Variants in RENBP observed in about 807,000 individuals in gnomAD.
RENBP encodes the protein N-acylglucosamine 2-epimerase.
Under a neutral mutation model 37.8 loss-of-function variants are expected in RENBP, and 16 were observed. The observed-to-expected ratio is 0.42, with a 90% CI of 0.29 to 0.64. The LOEUF is 0.64. RENBP is among the 30% of genes least tolerant of loss of function. RENBP has a pLI of 0.19. For missense variants in RENBP, 347 were observed against 379.5 expected (o/e 0.91, Z 0.71); for synonymous variants, 170 against 154.8 (o/e 1.10, Z -0.73).
intron 6 of RENBP, 73 bp from the exon 7 acceptor site, chrX:153,942,104 C>G: frequency 1.2e-6 from 1 of 865,353 alleles, no homozygotes; most frequent in Non-Finnish European, 1.7e-6. Flanking sequence ...TAGAAAGACC[C>G]AGCTCCGGAA....
intron 8 of RENBP, among the ~76,000 whole-genome samples, chrX:153,940,852 G>A (rs7060641): frequency 0.067 from 7,497 of 111,441 alleles, 293 homozygotes; most frequent in Non-Finnish European, 0.11. Flanking sequence ...ATAAAAATGG[G>A]CAACCAGCCG....
chrX:153,944,212 C>T, intron 2 of RENBP, 57 bp from the exon 3 acceptor site: 1 of 1,181,360 alleles, frequency 8.5e-7, no homozygotes, highest in Non-Finnish European at 1.1e-6. Flanking sequence ...CCCTCCTGCC[C>T]CTCTGGGGCC....
At chrX:153,943,195 C>T (rs1356449209) in intron 5 of RENBP, 116 bp from the exon 6 acceptor site, 2 of 563,757 alleles carry the variant, frequency 3.5e-6, no homozygotes, top group Non-Finnish European at 5.5e-6. Context: ...GAGACACCTT[C>T]ATCCAGGGCC....
intron 9 of RENBP, among the ~76,000 whole-genome samples, chrX:153,936,916 G>T (rs971415672): frequency 4.5e-5 from 5 of 112,290 alleles, no homozygotes; most frequent in Non-Finnish European, 5.6e-5. Flanking sequence ...CTAGTCCTGG[G>T]CTGGGCACAG....
Position 153,943,717 on chromosome X carries a change from A to G in RENBP, c.291T>C (p.Gly97=), listed in dbSNP as rs781979105. 3 of 1,207,750 alleles carry G rather than the reference A, an allele frequency of 2.5e-6. No homozygotes were observed. Among genetic ancestry groups the G allele is most frequent in the East Asian group, 3.0e-5 (1 of 33,797 alleles). The part of the protein sequence containing the change: ...HAQLLDAAKA[G]GEFLLRYARV... ...GGGCATACCGCAGCAAGAACTCACC[A>G]CCTGGAGGTTGGGGGGTTGGCATGC... The change falls in exon 5 of 11, where the codon GGT becomes GGC. Residue 97 remains glycine, a splice_region_variant and synonymous_variant. Transcript: ENST00000393700.
chrX:153,943,026 C>T lies in RENBP; in HGVS notation c.516G>A (p.Ala172=), dbSNP rs1557109883. 7 of 1,203,488 alleles carry T rather than the reference C, an allele frequency of 5.8e-6. No homozygotes were observed. The South Asian group carries it at 1.1e-4, about 18-fold the overall frequency. Residue 172 remains alanine (A), a synonymous_variant, in exon 6 of 11, where the codon GCG becomes GCA. Transcript: ENST00000393700. ...DQIVHWVQED[A]SGLGRPQLQG... ...GGAGCTGGGGCCGGCCCAGTCCCGA[C>T]GCGTCCTCCTGCACCCAGTGGACGA...
At chrX:153,935,782 G>C (rs1195974409) in intron 9 of RENBP, among the ~76,000 whole-genome samples, 1 of 112,959 alleles carries the variant, frequency 8.9e-6, no homozygotes, top group Admixed American at 9.3e-5. Context: ...GACTGGGCAA[G>C]GGGATGAGAC....
In RENBP at chrX:153,935,498, G is replaced by C. The variant is rs1303313515; in HGVS notation, c.1156C>G (p.Pro386Ala). 1.7e-6 allele frequency: 2 copies of C among 1,205,945 alleles called. No individual in the cohort carries two copies. Among genetic ancestry groups the C allele is most frequent in the African/African-American group, 3.5e-5 (2 of 57,372 alleles). ...GKVALSIKGGPFKGCFHVPRC... is the reference protein window; with the variant it reads ...GKVALSIKGGAFKGCFHVPRC... The stretch of plus-strand genomic sequence containing the variant: ...CCTCTCCCCCACTCACCTTTGAAAG[G>C]ACCTCCCTTGATGGAGAGGGCCACC... The change falls in exon 10 of 11, where the codon CCT (proline) becomes GCT (alanine). Residue 386 changes from proline to alanine, a missense_variant. Around this residue, in one of 3 missense-constraint regions of RENBP, gnomAD observed 91 missense variants for 67.7 expected, o/e 1.34. Coordinates refer to ENST00000393700, the MANE Select transcript of RENBP (RefSeq NM_002910.6).
chrX:153,940,473 G>T (rs1380655550), intron 8 of RENBP, among the ~76,000 whole-genome samples: 1 of 111,805 alleles, frequency 8.9e-6, no homozygotes, highest in Non-Finnish European at 1.9e-5. Context: ...CTCCCTGGTG[G>T]CCTCCATATG....
chrX:153,935,343 G>A lies in RENBP; in HGVS notation c.1227C>T (p.Ser409=). 1 of 1,079,538 alleles carries A rather than the reference G, an allele frequency of 9.3e-7. No homozygotes were observed. The highest frequency in any genetic ancestry group is 2.4e-5 in the South Asian group (1 of 41,748). The allele number at this position is 1,079,538 out of a possible 1,213,427, so 89.0% of individuals were successfully genotyped here. ...MCEEMLGALL[S]RPAPAPSPAP... Reference sequence around the variant, plus strand: ...CGGGGGAGGGGGCGGGGGCGGGGCGGCTCAGCAGGGCGCCCAGCATCTCCT... The same window carrying A: ...CGGGGGAGGGGGCGGGGGCGGGGCGACTCAGCAGGGCGCCCAGCATCTCCT... The change falls in exon 11 of 11, where the codon AGC becomes AGT. Residue 409 remains serine, a synonymous_variant. Transcript: ENST00000393700.
At chrX:153,944,454 A>T in intron 1 of RENBP, 36 bp from the exon 2 acceptor site, 1 of 1,178,432 alleles carries the variant, frequency 8.5e-7, no homozygotes. Flanking sequence ...CAGCCCCCAC[A>T]TGGGACCTAG....
rs1462371750 is a variant in RENBP at position 153,941,627 on chromosome X, G to A, written c.796C>T (p.Leu266=). 34 of 1,178,659 alleles carry A rather than the reference G, an allele frequency of 2.9e-5. No individual in the cohort carries two copies. The highest frequency in any genetic ancestry group is 3.7e-5 in the Non-Finnish European group (33 of 880,206). Residue 266 remains leucine (L), a synonymous_variant, in exon 8 of 11, where the codon CTG becomes TTG. Transcript: ENST00000393700. ...PGHTLEAGWF[L]LRHCIRKGDP... is the part of the protein sequence containing the mutation. ...CCTTTCCGAATGCAATGACGGAGCA[G>A]AAACCAGCCGGCTTCCAGCGTGTGG... is the stretch of plus-strand genomic sequence containing the variant.
intron 8 of RENBP, among the ~76,000 whole-genome samples, chrX:153,941,105 C>T (rs1475166628): frequency 4.5e-5 from 4 of 89,141 alleles, no homozygotes; most frequent in African/African-American, 1.7e-4. Context: ...CGCCATTGCA[C>T]TCCAGCCTGG....
intron 8 of RENBP, 113 bp downstream of exon 8, chrX:153,941,358 TGAGAGCA>T (rs1433181879): frequency 1.4e-6 from 1 of 696,297 alleles, no homozygotes; most frequent in Non-Finnish European, 2.1e-6. Context: ...GCACAGAAGC[TGAGAGCA>T]GGCCTCTAGG....
rs182378276 is a variant in RENBP, at chrX:153,940,312, G to A, written c.946-79C>T. ...TCCAGACCTGGCTGCGTCTCCATTG[G>A]CCCAAGCTACTGGAGGTGAATTGCG... On this transcript the variant is annotated intron_variant, in intron 8 of 10. Transcript: ENST00000393700. The A allele has an allele frequency of 6.3e-4, 710 of 1,128,567 alleles. 1 individual carries two copies. Among genetic ancestry groups the A allele is most frequent in the Non-Finnish European group, 8.0e-4 (665 of 830,033 alleles). The allele number at this position is 1,128,567 out of a possible 1,213,427, so 93.0% of individuals were successfully genotyped here.
intron 6 of RENBP, chrX:153,942,244 T>TTG: frequency 3.7e-6 from 1 of 271,162 alleles, no homozygotes. Flanking sequence ...TTTTTTTTTT[T>TTG]TTTTTTTTTT....
chrX:153,939,284 G>A (rs781992374), intron 9 of RENBP, among the ~76,000 whole-genome samples: 14 of 111,604 alleles, frequency 1.3e-4, no homozygotes, highest in Non-Finnish European at 1.9e-4. Context: ...ACCAGGTCTC[G>A]TTATGTTGCC....
intron 6 of RENBP, chrX:153,942,510 T>C: frequency 3.8e-6 from 1 of 263,589 alleles, no homozygotes; most frequent in Non-Finnish European, 6.7e-6. Flanking sequence ...CTGCTGGGAT[T>C]ACAGGCACGA....
chrX:153,941,616 A>G lies in RENBP; in HGVS notation c.807T>C (p.His269=). 8.3e-7 allele frequency: 1 copy of G among 1,199,792 alleles called. No homozygotes were observed. Among genetic ancestry groups the G allele is most frequent in the Non-Finnish European group, 1.1e-6 (1 of 891,324 alleles). The change falls in exon 8 of 11, where the codon CAT becomes CAC. Residue 269 remains histidine (H), a synonymous_variant. Coordinates refer to ENST00000393700, the MANE Select transcript of RENBP (RefSeq NM_002910.6). The part of the protein sequence containing the change: ...TLEAGWFLLR[H]CIRKGDPELR... Reference sequence around the variant, plus strand: ...GTTCGGGGTCGCCTTTCCGAATGCAATGACGGAGCAGAAACCAGCCGGCTT... The same window carrying G: ...GTTCGGGGTCGCCTTTCCGAATGCAGTGACGGAGCAGAAACCAGCCGGCTT...
Sources: allele counts gnomAD v4.1 joint callset (sites outside exome capture counted in the v4.1 genomes callset), GRCh38; gene constraint gnomAD v4.1.1; regional missense constraint gnomAD v4.1.1; transcripts MANE v1.5; gene names NCBI Gene and HGNC (gene_info 2026-07-23, HGNC 2026-07-21).